The following DCC variants were observed in gnomAD, a reference collection of about 807,000 sequenced individuals.
DCC encodes netrin receptor DCC.
Under a neutral mutation model 172.5 loss-of-function variants are expected in DCC, and 58 were observed. That is an observed-to-expected ratio of 0.34 (90% CI 0.27 to 0.42). The LOEUF (loss-of-function observed/expected upper bound fraction) is 0.42. DCC is among the 10% of genes least tolerant of loss of function. The probability of loss-of-function intolerance (pLI) is 1.00; values close to 1 mark genes in which losing one functional copy is unlikely to be tolerated. For missense variants in DCC, 1,740 were observed against 1,791.0 expected (o/e 0.97, Z 0.51); for synonymous variants, 709 against 644.5 (o/e 1.10, Z -1.52).
At chr18:52,996,715 C>G (rs533811293) in intron 5 of DCC, among the ~76,000 whole-genome samples, 2 of 151,684 alleles carry the variant, frequency 1.3e-5, no homozygotes, top group African/African-American at 2.4e-5. Context: ...TAAGTTCACC[C>G]CACCTTGCCA....
chr18:52,959,012 G>A (rs1396195038), intron 5 of DCC, among the ~76,000 whole-genome samples: 2 of 152,088 alleles, frequency 1.3e-5, no homozygotes, highest in Admixed American at 6.6e-5. Context: ...GCTATCATTA[G>A]TGTTAGTGTA....
At chr18:52,561,627 A>G (rs1280196479) in intron 1 of DCC, among the ~76,000 whole-genome samples, 1 of 152,174 alleles carries the variant, frequency 6.6e-6, no homozygotes, top group Non-Finnish European at 1.5e-5. Context: ...GCTGGTAACT[A>G]TTGTGAGGAT....
At chr18:53,240,037 A>AC (rs1357748858) in intron 12 of DCC, among the ~76,000 whole-genome samples, 6 of 140,444 alleles carry the variant, frequency 4.3e-5, no homozygotes, top group Admixed American at 7.8e-5. Flanking sequence ...AAAAAAAAAA[A>AC]AAAAAAAAAA....
intron 17 of DCC, among the ~76,000 whole-genome samples, chr18:53,392,145 A>G (rs767132711): frequency 6.6e-6 from 1 of 152,064 alleles, no homozygotes; most frequent in Non-Finnish European, 1.5e-5. Flanking sequence ...GTTTGTATAA[A>G]TGATTTGATT....
intron 2 of DCC, among the ~76,000 whole-genome samples, chr18:52,847,802 G>A (rs1654025694): frequency 6.6e-6 from 1 of 152,198 alleles, no homozygotes; most frequent in Non-Finnish European, 1.5e-5. Flanking sequence ...TGAAAGAGAC[G>A]TACCCTAGTT....
At chr18:53,107,459 T>C (rs1449540594) in intron 7 of DCC, among the ~76,000 whole-genome samples, 1 of 148,932 alleles carries the variant, frequency 6.7e-6, no homozygotes. Context: ...ATGACTATCC[T>C]ATAGAAGAGA....
chr18:53,390,251 T>TTC (rs3838902), intron 16 of DCC, among the ~76,000 whole-genome samples: 2 of 133,546 alleles, frequency 1.5e-5, no homozygotes, highest in African/African-American at 5.0e-5. Context: ...CTCTTTCTCT[T>TTC]TCTCTCTCTC....
At chr18:53,175,238 C>A (rs1341292430) in intron 8 of DCC, among the ~76,000 whole-genome samples, 2 of 152,036 alleles carry the variant, frequency 1.3e-5, no homozygotes, top group African/African-American at 2.4e-5. Flanking sequence ...TGGGCAAAAA[C>A]TGGAAACATT....
chr18:53,380,649 A>C (rs543132476), intron 15 of DCC, among the ~76,000 whole-genome samples: 2 of 152,168 alleles, frequency 1.3e-5, no homozygotes, highest in African/African-American at 4.8e-5. Context: ...AGGCAGTCAA[A>C]GGGGTTGTGG....
At chr18:52,351,772 T>C (rs1254828461) in intron 1 of DCC, among the ~76,000 whole-genome samples, 1 of 152,230 alleles carries the variant, frequency 6.6e-6, no homozygotes, top group Non-Finnish European at 1.5e-5. Context: ...TTTCTCAATA[T>C]GATCCTTTTC....
chr18:53,258,576 A>G (rs908457578), intron 12 of DCC, among the ~76,000 whole-genome samples: 4 of 151,930 alleles, frequency 2.6e-5, no homozygotes, highest in Non-Finnish European at 5.9e-5. Flanking sequence ...GGTCTGAGAG[A>G]CAGTTTGTTA....
intron 24 of DCC, among the ~76,000 whole-genome samples, chr18:53,466,610 C>G (rs1260809200): frequency 6.6e-6 from 1 of 152,142 alleles, no homozygotes; most frequent in Non-Finnish European, 1.5e-5. Flanking sequence ...ATTGCAACCT[C>G]CGCCTCCTGG....
intron 22 of DCC, among the ~76,000 whole-genome samples, chr18:53,449,391 T>C (rs1390243012): frequency 1.3e-5 from 2 of 152,198 alleles, no homozygotes; most frequent in African/African-American, 4.8e-5. Flanking sequence ...GTCTTATTAT[T>C]CTGTTATTTT....
intron 7 of DCC, among the ~76,000 whole-genome samples, chr18:53,111,432 AAG>A (rs985622456): frequency 3.3e-4 from 12 of 36,286 alleles, no homozygotes; most frequent in African/African-American, 8.8e-4. Flanking sequence ...AGACAAAAAA[AAG>A]AAAGAAAGAT....
intron 24 of DCC, among the ~76,000 whole-genome samples, chr18:53,464,401 CT>C (rs1050939858): frequency 3.9e-5 from 6 of 152,178 alleles, no homozygotes; most frequent in South Asian, 4.2e-4. Flanking sequence ...TAACACTTAA[CT>C]TTTTATTAGT....
chr18:53,068,771 C>CTGTGTGTGTG (rs74683814), intron 7 of DCC, among the ~76,000 whole-genome samples: 2,462 of 143,670 alleles, frequency 0.017, 58 homozygotes, highest in African/African-American at 0.038. Flanking sequence ...ACCTTTTAGA[C>CTGTGTGTGTG]TGTGTGTGTG....
chr18:52,984,941 T>A (rs2041268572), intron 5 of DCC, among the ~76,000 whole-genome samples: 1 of 152,184 alleles, frequency 6.6e-6, no homozygotes, highest in Non-Finnish European at 1.5e-5. Flanking sequence ...CATTTTATTG[T>A]CTTTAAAAAA....
chr18:52,542,053 G>C (rs147190121), intron 1 of DCC, among the ~76,000 whole-genome samples: 1 of 148,574 alleles, frequency 6.7e-6, no homozygotes, highest in Admixed American at 6.7e-5. Flanking sequence ...TAATACAGCT[G>C]TCCCTTTACA....
chr18:53,382,092 A>G (rs62098053), intron 15 of DCC, among the ~76,000 whole-genome samples: 3 of 53,792 alleles, frequency 5.6e-5, no homozygotes, highest in Non-Finnish European at 1.4e-4. Flanking sequence ...ACACACACAC[A>G]CACACACACA....
Sources: allele counts gnomAD v4.1 joint callset (sites outside exome capture counted in the v4.1 genomes callset), GRCh38; gene constraint gnomAD v4.1.1; transcripts MANE v1.5; gene names NCBI Gene and HGNC (gene_info 2026-07-23, HGNC 2026-07-21).